Variants in USH2A observed in about 807,000 individuals in gnomAD.
USH2A encodes usherin.
Under a neutral mutation model 538.9 loss-of-function variants are expected in USH2A, and 443 were observed. The observed-to-expected ratio is 0.82, with a 90% CI of 0.76 to 0.89. The LOEUF is 0.89. USH2A is among the 40% of genes least tolerant of loss of function. The probability of loss-of-function intolerance (pLI) is 0.00; values close to 1 mark genes in which losing one functional copy is unlikely to be tolerated. For synonymous variants in USH2A, 2,413 were observed against 2,273.5 expected (o/e 1.06, Z -1.75); for missense variants, 6,633 against 6,324.8 (o/e 1.05, Z -1.65).
At chr1:215,810,294 A>G (rs934711718) in intron 49 of USH2A, among the ~76,000 whole-genome samples, 1 of 152,144 alleles carries the variant, frequency 6.6e-6, no homozygotes, top group Non-Finnish European at 1.5e-5. Context: ...ACAACTTCTG[A>G]GCTTCCATGA....
chr1:216,295,802 T>C (rs565517210), intron 9 of USH2A, among the ~76,000 whole-genome samples: 2 of 152,182 alleles, frequency 1.3e-5, no homozygotes, highest in Admixed American at 6.5e-5. Flanking sequence ...CTTTGTTTTA[T>C]ATTAACATTG....
At chr1:215,973,114 T>G (rs1667534597) in intron 35 of USH2A, among the ~76,000 whole-genome samples, 1 of 152,184 alleles carries the variant, frequency 6.6e-6, no homozygotes, top group Admixed American at 6.6e-5. Context: ...ACAGAATCTC[T>G]TAAAGAAACC....
At chr1:216,227,613 T>A (rs1232910997) in intron 14 of USH2A, among the ~76,000 whole-genome samples, 3 of 152,138 alleles carry the variant, frequency 2.0e-5, no homozygotes. Context: ...TAGGCAAAAA[T>A]ACACAGGATT....
rs186731654 is a variant in USH2A, at chr1:215,884,878, G to C, written c.8223+3548C>G. ...CCTGCCAAGGCTGGTGGCTTCACCT[G>C]TCTGAGCTGAGTGAGGACCCTACTG... On this transcript the variant is annotated intron_variant, in intron 41 of 71. Transcript: ENST00000307340. Among the ~76,000 whole-genome samples the C allele has an allele frequency of 1.6e-3, 239 of 152,304 alleles. 2 individuals carry two copies. The highest frequency in any genetic ancestry group is 5.2e-3 in the African/African-American group (215 of 41,574).
intron 35 of USH2A, among the ~76,000 whole-genome samples, chr1:215,981,185 G>T (rs759187756): frequency 6.6e-6 from 1 of 152,014 alleles, no homozygotes; most frequent in Non-Finnish European, 1.5e-5. Flanking sequence ...TATTACAGAA[G>T]TTGGCCCATT....
intron 56 of USH2A, 127 bp downstream of exon 56, chr1:215,766,554 G>C: frequency 1.1e-6 from 1 of 875,774 alleles, no homozygotes; most frequent in South Asian, 1.4e-5. Flanking sequence ...AACCTAGAAT[G>C]CTATTTTATT....
chr1:216,326,606 T>C (rs1473532152), intron 5 of USH2A, among the ~76,000 whole-genome samples: 1 of 152,172 alleles, frequency 6.6e-6, no homozygotes, highest in Admixed American at 6.5e-5. Context: ...TAAAATATAG[T>C]AAGGCTTTTG....
At chr1:216,214,897 T>C (rs2035313894) in intron 15 of USH2A, among the ~76,000 whole-genome samples, 1 of 152,034 alleles carries the variant, frequency 6.6e-6, no homozygotes, top group Admixed American at 6.6e-5. Flanking sequence ...GGTTCATAGA[T>C]GGTTGAACTA....
At chr1:215,797,828 T>C (rs1362334370) in intron 50 of USH2A, among the ~76,000 whole-genome samples, 3 of 152,142 alleles carry the variant, frequency 2.0e-5, no homozygotes, top group Admixed American at 6.6e-5. Context: ...ATAGGTCAAG[T>C]AGTCATTTTG....
At chr1:215,969,582 C>G (rs1331436884) in intron 36 of USH2A, among the ~76,000 whole-genome samples, 1 of 151,160 alleles carries the variant, frequency 6.6e-6, no homozygotes. Context: ...GAAAAGCTGG[C>G]CTATTGCCAT....
intron 61 of USH2A, among the ~76,000 whole-genome samples, chr1:215,692,599 A>C (rs1658654458): frequency 6.6e-6 from 1 of 152,172 alleles, no homozygotes. Flanking sequence ...TTAGCAAAGC[A>C]GTATTTTATA....
At chr1:215,909,636 T>C (rs1048089086) in intron 38 of USH2A, among the ~76,000 whole-genome samples, 1 of 151,922 alleles carries the variant, frequency 6.6e-6, no homozygotes, top group Non-Finnish European at 1.5e-5. Context: ...GCATTTCTAA[T>C]ATAAGGGCAT....
chr1:216,261,786 C>A (rs2036378329), intron 11 of USH2A, among the ~76,000 whole-genome samples: 2 of 152,192 alleles, frequency 1.3e-5, no homozygotes, highest in East Asian at 1.9e-4. Flanking sequence ...GCCTGAGAAA[C>A]AGCCCACGGC....
At chr1:215,817,854 T>G (rs915127163) in intron 47 of USH2A, among the ~76,000 whole-genome samples, 2 of 151,980 alleles carry the variant, frequency 1.3e-5, no homozygotes, top group African/African-American at 4.8e-5. Flanking sequence ...AAATTTGAAC[T>G]GTGCAGATCC....
At chr1:216,299,278 A>AT in intron 9 of USH2A, among the ~76,000 whole-genome samples, 1 of 152,260 alleles carries the variant, frequency 6.6e-6, no homozygotes, top group East Asian at 1.9e-4. Context: ...CCTAAAAAAA[A>AT]AAAGGCTAAC....
chr1:215,733,820 G>T (rs1279408861), intron 60 of USH2A, among the ~76,000 whole-genome samples: 1 of 152,204 alleles, frequency 6.6e-6, no homozygotes, highest in East Asian at 1.9e-4. Flanking sequence ...GACTCCTAAG[G>T]CTTTGGGTAG....
intron 47 of USH2A, among the ~76,000 whole-genome samples, chr1:215,835,735 G>T (rs1043204843): frequency 6.6e-6 from 1 of 151,988 alleles, no homozygotes; most frequent in African/African-American, 2.4e-5. Flanking sequence ...CCAGTTCTCT[G>T]TGGAAAAAAC....
chr1:215,963,447 G>A (rs555357527), intron 37 of USH2A, among the ~76,000 whole-genome samples: 3 of 152,050 alleles, frequency 2.0e-5, no homozygotes, highest in South Asian at 2.1e-4. Context: ...AACCCGTACC[G>A]CAAAAATTCT....
At chr1:215,761,943 G>A (rs536225366) in intron 56 of USH2A, among the ~76,000 whole-genome samples, 21 of 152,106 alleles carry the variant, frequency 1.4e-4, no homozygotes, top group South Asian at 8.3e-4. Flanking sequence ...AAGTTACTCC[G>A]TACAGGTTAA....
Sources: allele counts gnomAD v4.1 joint callset (sites outside exome capture counted in the v4.1 genomes callset), GRCh38; gene constraint gnomAD v4.1.1; transcripts MANE v1.5; gene names NCBI Gene and HGNC (gene_info 2026-07-23, HGNC 2026-07-21).